The following KIN variants were observed in gnomAD, a reference collection of about 807,000 sequenced individuals.
KIN encodes DNA/RNA-binding protein KIN17.
KIN carries 47 observed loss-of-function variants against 63.0 expected under a neutral mutation model. That is an observed-to-expected ratio of 0.75 (90% CI 0.59 to 0.95). KIN has a LOEUF of 0.95. Among genes scored for constraint, KIN ranks in the 40% least tolerant of loss-of-function variants. The probability of loss-of-function intolerance (pLI) is 0.00; values close to 1 mark genes in which losing one functional copy is unlikely to be tolerated. For missense variants in KIN, 408 were observed against 460.9 expected (o/e 0.89, Z 1.05); for synonymous variants, 160 against 157.7 (o/e 1.01, Z -0.11).
At chr10:7,776,273 G>A (rs1354204051) in intron 5 of KIN, among the ~76,000 whole-genome samples, 1 of 149,644 alleles carries the variant, frequency 6.7e-6, no homozygotes, top group East Asian at 1.9e-4. Flanking sequence ...CAGTATGGTG[G>A]CTCATGCCTG....
chr10:7,785,749 G>T (rs1835988741), intron 1 of KIN, among the ~76,000 whole-genome samples: 1 of 151,664 alleles, frequency 6.6e-6, no homozygotes, highest in Non-Finnish European at 1.5e-5. Flanking sequence ...GGGAGGCAAA[G>T]GTTGCAGTGA....
chr10:7,760,860 C>T (rs1430374853), intron 11 of KIN, among the ~76,000 whole-genome samples: 1 of 152,084 alleles, frequency 6.6e-6, no homozygotes, highest in African/African-American at 2.4e-5. Flanking sequence ...TACTGCATAT[C>T]CATACAATGA....
chr10:7,775,863 C>T, intron 5 of KIN, 64 bp from the exon 6 acceptor site: 2 of 917,812 alleles, frequency 2.2e-6, no homozygotes, highest in South Asian at 1.6e-5. Context: ...TTCAATAGGC[C>T]TAAATTATGA....
Position 7,753,947 on chromosome 10 carries a change from C to T in KIN, c.*2133G>A, listed in dbSNP as rs570932751. 5 of 429,674 alleles carry T rather than the reference C, an allele frequency of 1.2e-5. No individual in the cohort carries two copies. The highest frequency in any genetic ancestry group is 7.3e-5 in the East Asian group (1 of 13,684). 26.6% of individuals were successfully genotyped at this position (429,674 alleles called of 1,614,324 possible). A position where few individuals can be genotyped will look rare whatever the true frequency, so the allele number is the denominator to read the frequency against. The stretch of plus-strand genomic sequence containing the variant: ...AGAGAGAGATCCCAGGGTTTGGCAC[C>T]ATACCTGTGTCTGACGTCAGCTTAT... On this transcript the variant is annotated 3_prime_UTR_variant, in exon 13 of 13. Coordinates refer to ENST00000379562, the MANE Select transcript of KIN (RefSeq NM_012311.4).
Position 7,769,189 on chromosome 10 carries a change from TG to T in KIN, c.798+26del, listed in dbSNP as rs758556188. 1.2e-5 allele frequency: 19 copies of T among 1,582,130 alleles called. No individual in the cohort carries two copies. In the South Asian group the frequency reaches 2.2e-4, roughly 18 times the overall value. ...ATTTAATTTTCCTTGGGTTCTAAGG[TG>T]TCCACACGCAATCCATAAACTGTAC... On this transcript the variant is annotated intron_variant, in intron 8 of 12. Coordinates refer to ENST00000379562, the MANE Select transcript of KIN (RefSeq NM_012311.4).
In KIN at chr10:7,754,072, G is replaced by A. The variant is rs1835285180; in HGVS notation, c.*2008C>T. ...AGGCAAGGCGTGGTAGCTCACACCTGTAATCACAACATTTTAGAAGGCCGA... is the reference window on the plus strand; with the variant it reads ...AGGCAAGGCGTGGTAGCTCACACCTATAATCACAACATTTTAGAAGGCCGA... On this transcript the variant is annotated 3_prime_UTR_variant, in exon 13 of 13. Transcript: ENST00000379562. 1 of 456,030 alleles carries A rather than the reference G, an allele frequency of 2.2e-6. No homozygotes were observed. The highest frequency in any genetic ancestry group is 1.5e-5 in the South Asian group (1 of 64,554). The allele number at this position is 456,030 out of a possible 1,614,324, so 28.2% of individuals were successfully genotyped here.
intron 12 of KIN, among the ~76,000 whole-genome samples, chr10:7,757,228 A>T (rs1313190390): frequency 6.6e-6 from 1 of 152,132 alleles, no homozygotes; most frequent in African/African-American, 2.4e-5. Context: ...GGTCGGGCGC[A>T]GTGCTCACAT....
chr10:7,755,551 T>C lies in KIN; in HGVS notation c.*529A>G, dbSNP rs1835317103. On this transcript the variant is annotated 3_prime_UTR_variant, in exon 13 of 13. Transcript: ENST00000379562. ...TTCATTTTGGGGTATGAAAGTGTTT[T>C]AAAATCAGACAGTGGTGATGGCTGC... 1 of 152,242 alleles carries C rather than the reference T, an allele frequency of 6.6e-6. No homozygotes were observed. Among genetic ancestry groups the C allele is most frequent in the Non-Finnish European group, 1.5e-5 (1 of 68,050 alleles). The allele number at this position is 152,242 out of a possible 1,614,324, so 9.4% of individuals were successfully genotyped here.
chr10:7,755,885 A>G lies in KIN; in HGVS notation c.*195T>C, dbSNP rs1835322803. The stretch of plus-strand genomic sequence containing the variant: ...AAACAAAAATAACAAGGACAAAATT[A>G]CATAGTTTGATACCTCATGAGACAT... On this transcript the variant is annotated 3_prime_UTR_variant, in exon 13 of 13. Coordinates refer to ENST00000379562, the MANE Select transcript of KIN (RefSeq NM_012311.4). 7.6e-6 allele frequency: 3 copies of G among 397,172 alleles called. No homozygotes were observed. The East Asian group carries it at 1.1e-4, about 15-fold the overall frequency. The allele number at this position is 397,172 out of a possible 1,614,324, so 24.6% of individuals were successfully genotyped here. A position where few individuals can be genotyped will look rare whatever the true frequency, so the allele number is the denominator to read the frequency against.
chr10:7,778,741 A>AACAAC, intron 5 of KIN, 97 bp downstream of exon 5: 1 of 1,221,700 alleles, frequency 8.2e-7, no homozygotes, highest in Non-Finnish European at 1.2e-6. Context: ...TCCATCTCCA[A>AACAAC]AACAACAACA....
intron 7 of KIN, among the ~76,000 whole-genome samples, chr10:7,770,726 G>T (rs1178813967): frequency 2.6e-5 from 4 of 152,064 alleles, no homozygotes; most frequent in Non-Finnish European, 5.9e-5. Flanking sequence ...TGAAGCAAAG[G>T]ATAAATATTT....
Position 7,762,663 on chromosome 10 carries a change from A to T in KIN, c.919-107T>A, listed in dbSNP as rs188411749. ...ACAAATAAAATATCAATCAAAAGAA[A>T]GAGTAACTCCTTCTATAAATGACAC... On this transcript the variant is annotated intron_variant, in intron 10 of 12. Transcript: ENST00000379562. The T allele has an allele frequency of 6.1e-4, 349 of 573,690 alleles. 1 individual carries two copies. Among genetic ancestry groups the T allele is most frequent in the African/African-American group, 6.0e-3 (315 of 52,534 alleles). The allele number at this position is 573,690 out of a possible 1,614,324, so 35.5% of individuals were successfully genotyped here.
intron 2 of KIN, among the ~76,000 whole-genome samples, chr10:7,781,027 T>G (rs1835885045): frequency 6.6e-6 from 1 of 152,214 alleles, no homozygotes; most frequent in South Asian, 2.1e-4. Flanking sequence ...TACACCGTAT[T>G]AAGTGCTAGA....
At chr10:7,782,200 A>C (rs1286848751) in intron 2 of KIN, among the ~76,000 whole-genome samples, 1 of 152,214 alleles carries the variant, frequency 6.6e-6, no homozygotes, top group Non-Finnish European at 1.5e-5. Flanking sequence ...AAGGGGTCCT[A>C]GGACCAAAAT....
At position 7,787,823 on chromosome 10, in the gene KIN, G is replaced by C; in HGVS notation, c.111C>G (p.Asp37Glu). ...YCQMCQKQCR[D>E]ENGFKCHCMS... ...GGGCCACTCCGGGCCCACTCACCTC[G>C]TCCCGGCACTGCTTCTGGCACATCT... The change falls in exon 1 of 13, where the codon GAC (aspartate) becomes GAG (glutamate). Residue 37 changes from aspartate (D) to glutamate (E), a missense_variant. Coordinates refer to ENST00000379562, the MANE Select transcript of KIN (RefSeq NM_012311.4). 2 of 1,611,868 alleles carry C rather than the reference G, an allele frequency of 1.2e-6. No individual in the cohort carries two copies. Among genetic ancestry groups the C allele is most frequent in the Non-Finnish European group, 1.7e-6 (2 of 1,178,036 alleles).
At chr10:7,782,610 G>A (rs553365935) in intron 2 of KIN, among the ~76,000 whole-genome samples, 12 of 152,032 alleles carry the variant, frequency 7.9e-5, no homozygotes, top group South Asian at 2.1e-4. Context: ...TCTTGGCCAC[G>A]CTGGTCTTGA....
intron 8 of KIN, among the ~76,000 whole-genome samples, chr10:7,768,139 C>T (rs2131002107): frequency 6.6e-6 from 1 of 152,188 alleles, no homozygotes; most frequent in African/African-American, 2.4e-5. Flanking sequence ...AGATTTAGAG[C>T]CCAAGTATGG....
At chr10:7,779,225 T>C (rs12354490) in intron 4 of KIN, among the ~76,000 whole-genome samples, 2 of 151,846 alleles carry the variant, frequency 1.3e-5, no homozygotes, top group East Asian at 1.9e-4. Context: ...CTGGCCAACA[T>C]GGTGAATCCC....
At chr10:7,766,682 C>A (rs930574378) in intron 8 of KIN, among the ~76,000 whole-genome samples, 2 of 152,004 alleles carry the variant, frequency 1.3e-5, no homozygotes, top group African/African-American at 4.8e-5. Context: ...CCCTAAGTAC[C>A]AATTTTCAAT....
Sources: allele counts gnomAD v4.1 joint callset (sites outside exome capture counted in the v4.1 genomes callset), GRCh38; gene constraint gnomAD v4.1.1; transcripts MANE v1.5; gene names NCBI Gene and HGNC (gene_info 2026-07-23, HGNC 2026-07-21).